Variants in GLIS3 observed in about 807,000 individuals in gnomAD.
GLIS3 encodes zinc finger protein GLIS3.
In GLIS3, 53 loss-of-function variants were observed where a neutral mutation model predicts 78.6. That is an observed-to-expected ratio of 0.67 (90% CI 0.54 to 0.85). GLIS3 has a LOEUF of 0.85. Among genes scored for constraint, GLIS3 ranks in the 40% least tolerant of loss-of-function variants. GLIS3 has a pLI of 0.00. For synonymous variants in GLIS3, 684 were observed against 509.9 expected (o/e 1.34, Z -4.60); for missense variants, 1,703 against 1,231.1 (o/e 1.38, Z -5.74).
At chr9:4,357,911 C>A in the GLIS3 span, among the ~76,000 whole-genome samples, 3 of 152,082 alleles carry the variant, frequency 2.0e-5, no homozygotes, top group Non-Finnish European at 4.4e-5. Context: ...AAATGGCAAA[C>A]GAACAACGCA....
At chr9:4,353,663 C>A in the GLIS3 span, among the ~76,000 whole-genome samples, 1 of 152,286 alleles carries the variant, frequency 6.6e-6, no homozygotes, top group African/African-American at 2.4e-5. Context: ...AAGCTAGAGT[C>A]TAAGATCATC....
At chr9:4,431,433 G>C in the GLIS3 span, among the ~76,000 whole-genome samples, 1 of 141,872 alleles carries the variant, frequency 7.0e-6, no homozygotes, top group Non-Finnish European at 1.6e-5. Flanking sequence ...AGTGTAGATT[G>C]ACTGGATTGG....
At chr9:4,277,472 T>C (rs1415979454) in intron 2 of GLIS3, among the ~76,000 whole-genome samples, 1 of 152,232 alleles carries the variant, frequency 6.6e-6, no homozygotes, top group Non-Finnish European at 1.5e-5. Flanking sequence ...ATTATCTTTC[T>C]TAAACCAGGT....
Position 4,299,673 on chromosome 9 carries a change from G to A in GLIS3, c.-351C>T, listed in dbSNP as rs948791895. ...AGGGCAGCGGCGGCAGGGGGAGGAG[G>A]AGGCAGAGGCGGGGTGGCTGGACCC... On this transcript the variant is annotated 5_prime_UTR_variant, in exon 1 of 11. Transcript: ENST00000381971. 6.5e-6 allele frequency: 1 copy of A among 152,684 alleles called. No homozygotes were observed. The highest frequency in any genetic ancestry group is 1.5e-5 in the Non-Finnish European group (1 of 68,194). 9.5% of individuals were successfully genotyped at this position (152,684 alleles called of 1,614,324 possible).
chr9:4,417,818 TG>T, the GLIS3 span, among the ~76,000 whole-genome samples: 4 of 152,354 alleles, frequency 2.6e-5, no homozygotes, highest in East Asian at 7.7e-4. Flanking sequence ...CAGGACATTT[TG>T]CTTGTGACTT....
chr9:3,882,234 T>G (rs1309637822), intron 7 of GLIS3, among the ~76,000 whole-genome samples: 1 of 152,176 alleles, frequency 6.6e-6, no homozygotes, highest in East Asian at 1.9e-4. Flanking sequence ...GCCCATGGAA[T>G]CTCGGGGCTC....
chr9:4,236,522 G>A (rs545817593), intron 2 of GLIS3, among the ~76,000 whole-genome samples: 116 of 152,208 alleles, frequency 7.6e-4, no homozygotes, highest in Middle Eastern at 3.4e-3. Context: ...TGCAAATATT[G>A]GCTGTAACTG....
the GLIS3 span, among the ~76,000 whole-genome samples, chr9:4,435,806 G>A: frequency 3.9e-5 from 6 of 152,176 alleles, no homozygotes; most frequent in East Asian, 5.8e-4. Flanking sequence ...AAAATTAGCC[G>A]GGCGTGGTGG....
rs191493385 is a variant in GLIS3 at position 4,271,897 on chromosome 9, T to C, written c.388+14141A>G. On this transcript the variant is annotated intron_variant, in intron 2 of 10. Coordinates refer to ENST00000381971, the MANE Select transcript of GLIS3 (RefSeq NM_001042413.2). ...ATTCAGTTCCCAGCTTTGCCACATATTGGCCATGTGACCGTGGCTAAGTTA... is the reference window on the plus strand; with the variant it reads ...ATTCAGTTCCCAGCTTTGCCACATACTGGCCATGTGACCGTGGCTAAGTTA... Among the ~76,000 whole-genome samples the C allele has an allele frequency of 1.6e-3, 247 of 152,320 alleles. 2 individuals carry two copies. The highest frequency in any genetic ancestry group is 2.7e-3 in the Non-Finnish European group (184 of 68,020).
rs141423136 is a variant in GLIS3, at chr9:4,210,355, T to C, written c.388+75683A>G. 1.6e-4 allele frequency among the ~76,000 whole-genome samples: 24 copies of C among 152,348 alleles called. No individual in the cohort carries two copies. The East Asian group carries it at 4.2e-3, about 27-fold the overall frequency. ...GTTATCAGCGAAGTTCAGCATCCAA[T>C]TGCCTTTTCTATTTTGTGGTGGCCT... is the stretch of plus-strand genomic sequence containing the variant. On this transcript the variant is annotated intron_variant, in intron 2 of 10. Coordinates refer to ENST00000381971, the MANE Select transcript of GLIS3 (RefSeq NM_001042413.2).
At chr9:4,483,069 A>C in the GLIS3 span, among the ~76,000 whole-genome samples, 1 of 152,224 alleles carries the variant, frequency 6.6e-6, no homozygotes, top group East Asian at 1.9e-4. Context: ...AATGCCTCTC[A>C]ACTTTTGTTC....
chr9:4,032,659 A>T (rs1314016708), intron 4 of GLIS3, among the ~76,000 whole-genome samples: 2 of 152,096 alleles, frequency 1.3e-5, no homozygotes, highest in African/African-American at 4.8e-5. Flanking sequence ...AAAGCACTTC[A>T]CTCAAGTTAG....
At chr9:3,998,292 T>C (rs971280629) in intron 4 of GLIS3, among the ~76,000 whole-genome samples, 1 of 152,182 alleles carries the variant, frequency 6.6e-6, no homozygotes, top group Non-Finnish European at 1.5e-5. Flanking sequence ...ATGTGTATAT[T>C]GTTAATGAGG....
In GLIS3 at chr9:3,937,341, A is replaced by C; in HGVS notation, c.1711-152T>G. 3.9e-6 allele frequency: 3 copies of C among 763,158 alleles called. No individual in the cohort carries two copies. In the South Asian group the frequency reaches 5.1e-5, roughly 13 times the overall value. 47.3% of individuals were successfully genotyped at this position (763,158 alleles called of 1,614,324 possible). A position where few individuals can be genotyped will look rare whatever the true frequency, so the allele number is the denominator to read the frequency against. On this transcript the variant is annotated intron_variant, in intron 4 of 10. Coordinates refer to ENST00000381971, the MANE Select transcript of GLIS3 (RefSeq NM_001042413.2). ...ACAGTAATAAATATTGCTCCTAAAAATATCCGAATATTTATGTGAACTGCA... is the reference window on the plus strand; with the variant it reads ...ACAGTAATAAATATTGCTCCTAAAACTATCCGAATATTTATGTGAACTGCA...
At position 4,286,149 on chromosome 9, in the gene GLIS3, T is replaced by G; in HGVS notation, c.277A>C (p.Asn93His). The G allele has an allele frequency of 6.2e-7, 1 of 1,614,074 alleles. No homozygotes were observed. Among genetic ancestry groups the G allele is most frequent in the South Asian group, 1.1e-5 (1 of 91,080 alleles). Residue 93 changes from asparagine (N) to histidine (H), a missense_variant, in exon 2 of 11, where the codon AAT becomes CAT. Coordinates refer to ENST00000381971, the MANE Select transcript of GLIS3 (RefSeq NM_001042413.2). ...ALSPRRQMLT[N>H]GKPRFQVTQA... ...GTGACCTGGAATCGCGGCTTCCCAT[T>G]GGTGAGCATTTGTCTCCTGGGGCTT... is the stretch of plus-strand genomic sequence containing the variant.
chr9:3,955,962 C>T (rs1219262731), intron 4 of GLIS3, among the ~76,000 whole-genome samples: 1 of 144,122 alleles, frequency 6.9e-6, no homozygotes, highest in East Asian at 2.1e-4. Context: ...AAGTGATTGG[C>T]TAGGACCATA....
chr9:4,283,814 T>C (rs1297908092), intron 2 of GLIS3, among the ~76,000 whole-genome samples: 1 of 152,242 alleles, frequency 6.6e-6, no homozygotes, highest in Non-Finnish European at 1.5e-5. Context: ...AGCCACTTCT[T>C]GCACCATCTA....
chr9:4,176,289 C>T (rs553944058), intron 2 of GLIS3, among the ~76,000 whole-genome samples: 20 of 152,222 alleles, frequency 1.3e-4, no homozygotes, highest in African/African-American at 4.1e-4. Context: ...GAAATAACAA[C>T]GATTTGTAAT....
chr9:4,111,219 C>G (rs1216893416), intron 4 of GLIS3, among the ~76,000 whole-genome samples: 1 of 152,098 alleles, frequency 6.6e-6, no homozygotes, highest in African/African-American at 2.4e-5. Flanking sequence ...AGAAAAAACA[C>G]AAAACAAATA....
Sources: gnomAD v4.1 joint callset for allele counts (sites outside exome capture counted in the v4.1 genomes callset) on GRCh38, gnomAD v4.1.1 for gene constraint, MANE v1.5 for transcripts, NCBI Gene and HGNC (gene_info 2026-07-23, HGNC 2026-07-21) for gene names.